The following DNAH7 variants were observed in gnomAD, a reference collection of about 807,000 sequenced individuals.
DNAH7 encodes the protein dynein axonemal heavy chain 7, also known as axonemal beta dynein heavy chain 7.
In DNAH7, 397 loss-of-function variants were observed where a neutral mutation model predicts 444.6. That is an observed-to-expected ratio of 0.89 (90% CI 0.82 to 0.97). The LOEUF (loss-of-function observed/expected upper bound fraction) is 0.97. Among genes scored for constraint, DNAH7 ranks in the 50% least tolerant of loss-of-function variants. The pLI is 0.00. For missense variants in DNAH7, 4,902 were observed against 4,800.8 expected (o/e 1.02, Z -0.62); for synonymous variants, 1,636 against 1,624.4 (o/e 1.01, Z -0.17).
chr2:196,033,595 G>A (rs1477800536), intron 5 of DNAH7, among the ~76,000 whole-genome samples: 6 of 152,016 alleles, frequency 3.9e-5, no homozygotes, highest in South Asian at 2.1e-4. Context: ...AGTGTTCTTC[G>A]ATTCCATCCA....
intron 8 of DNAH7, among the ~76,000 whole-genome samples, chr2:196,020,545 A>T (rs1695311437): frequency 6.6e-6 from 1 of 151,642 alleles, no homozygotes; most frequent in African/African-American, 2.4e-5. Flanking sequence ...TCCCTAGAGG[A>T]TATGGAAAAT....
At chr2:196,042,140 T>C (rs1696803276) in intron 5 of DNAH7, among the ~76,000 whole-genome samples, 1 of 152,064 alleles carries the variant, frequency 6.6e-6, no homozygotes, top group Non-Finnish European at 1.5e-5. Context: ...ACAGCCAATA[T>C]AGGAAACAGT....
intron 54 of DNAH7, among the ~76,000 whole-genome samples, chr2:195,804,027 T>C (rs528722645): frequency 9.4e-5 from 14 of 149,602 alleles, no homozygotes; most frequent in Non-Finnish European, 1.6e-4. Context: ...TTCTTACCAC[T>C]GAGTGGGGCT....
At chr2:196,013,392 G>T (rs183968349) in intron 9 of DNAH7, among the ~76,000 whole-genome samples, 1 of 152,028 alleles carries the variant, frequency 6.6e-6, no homozygotes, top group East Asian at 1.9e-4. Context: ...AGAACACAGG[G>T]ATTACTGGAG....
At chr2:195,993,930 GGAA>G (rs911547161) in intron 12 of DNAH7, among the ~76,000 whole-genome samples, 5 of 152,112 alleles carry the variant, frequency 3.3e-5, no homozygotes, top group Non-Finnish European at 7.3e-5. Flanking sequence ...AGCCAATCCG[GGAA>G]GAAGGAATGG....
intron 63 of DNAH7, among the ~76,000 whole-genome samples, chr2:195,741,325 C>T (rs1304178132): frequency 6.6e-6 from 1 of 152,182 alleles, no homozygotes; most frequent in African/African-American, 2.4e-5. Context: ...AGTTAAATTG[C>T]TCCTCCCCTT....
chr2:195,778,836 A>T (rs1695232622), intron 58 of DNAH7, among the ~76,000 whole-genome samples: 1 of 123,824 alleles, frequency 8.1e-6, no homozygotes, highest in Admixed American at 8.7e-5. Context: ...CATATACACA[A>T]TTGTACACTT....
In DNAH7 at chr2:195,811,309, T is replaced by C. The variant is rs528874685; in HGVS notation, c.9762-1438A>G. ...CAAAGATGCAGACACTTATATTTAC[T>C]GCAGCATTACTTACAATATAAAAGC... On this transcript the variant is annotated intron_variant, in intron 51 of 64. Coordinates refer to ENST00000312428, the MANE Select transcript of DNAH7 (RefSeq NM_018897.3). Among the ~76,000 whole-genome samples, 50 of 152,348 alleles carry C rather than the reference T, an allele frequency of 3.3e-4. 1 individual carries two copies. The highest frequency in any genetic ancestry group is 3.4e-3 in the Middle Eastern group (1 of 294).
Position 195,875,616 on chromosome 2 carries a change from C to A in DNAH7, c.6286+59G>T, listed in dbSNP as rs1184477837. The A allele has an allele frequency of 4.1e-6, 6 of 1,476,128 alleles. No individual in the cohort carries two copies. In the African/African-American group the frequency reaches 8.5e-5, roughly 21 times the overall value. The allele number at this position is 1,476,128 out of a possible 1,614,324, so 91.4% of individuals were successfully genotyped here. ...AAAGAGGATTTTTTTCCAGTTATTT[C>A]TTTAGCTATTGCTAGGGAGATTTTT... On this transcript the variant is annotated intron_variant, in intron 38 of 64. Coordinates refer to ENST00000312428, the MANE Select transcript of DNAH7 (RefSeq NM_018897.3).
intron 8 of DNAH7, among the ~76,000 whole-genome samples, chr2:196,022,368 T>C (rs1345305506): frequency 6.6e-6 from 1 of 152,226 alleles, no homozygotes; most frequent in Non-Finnish European, 1.5e-5. Context: ...GATAGCACTG[T>C]ACCCAACTAG....
chr2:195,894,296 T>G (rs992280411), intron 30 of DNAH7: 10 of 152,256 alleles, frequency 6.6e-5, no homozygotes, highest in African/African-American at 2.4e-4. Context: ...ATATTGAAAT[T>G]AGACAAAGTA....
chr2:195,780,233 ACT>A (rs1695307284), intron 58 of DNAH7, among the ~76,000 whole-genome samples: 2 of 151,810 alleles, frequency 1.3e-5, no homozygotes, highest in Non-Finnish European at 2.9e-5. Flanking sequence ...TGACATTGGC[ACT>A]CTCAAAATTT....
chr2:195,839,118 T>C (rs186810669), intron 47 of DNAH7, among the ~76,000 whole-genome samples: 2 of 151,952 alleles, frequency 1.3e-5, no homozygotes, highest in Admixed American at 1.3e-4. Context: ...ACAAGTTTTA[T>C]GCTATAAAAC....
intron 58 of DNAH7, among the ~76,000 whole-genome samples, chr2:195,780,777 T>A (rs1044586424): frequency 2.6e-5 from 4 of 151,748 alleles, no homozygotes; most frequent in East Asian, 1.9e-4. Flanking sequence ...TCTCAAAAAA[T>A]ATATATATTT....
At chr2:195,812,517 G>A (rs1171664863) in intron 51 of DNAH7, among the ~76,000 whole-genome samples, 1 of 151,986 alleles carries the variant, frequency 6.6e-6, no homozygotes, top group East Asian at 1.9e-4. Context: ...GCTACATAAA[G>A]TTATTTATTC....
rs201917976 is a variant in DNAH7, at chr2:195,883,405, G to GC, written c.5763+1179dup. Among the ~76,000 whole-genome samples the GC allele has an allele frequency of 9.1e-3, 1,384 of 151,586 alleles. 42 individuals carry two copies. Among genetic ancestry groups the GC allele is most frequent in the East Asian group, 0.086 (444 of 5,150 alleles). On this transcript the variant is annotated intron_variant, in intron 35 of 64. Coordinates refer to ENST00000312428, the MANE Select transcript of DNAH7 (RefSeq NM_018897.3). ...GGAGCTTGCAGTGAGCCGAGATCGT[G>GC]CCACTGCACTCCAACCTGGACAACA... is the stretch of plus-strand genomic sequence containing the variant.
intron 19 of DNAH7, among the ~76,000 whole-genome samples, chr2:195,950,192 T>A (rs1214793958): frequency 6.6e-6 from 1 of 152,184 alleles, no homozygotes; most frequent in Non-Finnish European, 1.5e-5. Flanking sequence ...CAGCTCCTCT[T>A]TGCACTCCTC....
intron 12 of DNAH7, among the ~76,000 whole-genome samples, chr2:195,999,771 C>A (rs1693923180): frequency 6.6e-6 from 1 of 151,816 alleles, no homozygotes; most frequent in African/African-American, 2.4e-5. Flanking sequence ...AAAGGATATC[C>A]TCAAAATGGA....
rs72396547 is a variant in DNAH7 at position 195,801,291 on chromosome 2, A to AATAT, written c.10177-1823_10177-1820dup. On this transcript the variant is annotated intron_variant, in intron 54 of 64. Transcript: ENST00000312428. Reference sequence around the variant, plus strand: ...AAAAGTACTTTTTTTCCTGCTCTGAAATATATATATATATATATGCACAAA... The same window carrying AATAT: ...AAAAGTACTTTTTTTCCTGCTCTGAAATATATATATATATATATATATGCACAAA... 6.9e-4 allele frequency among the ~76,000 whole-genome samples: 102 copies of AATAT among 148,770 alleles called. 1 individual carries two copies. The East Asian group carries it at 0.012, about 17-fold the overall frequency.
Sources: gnomAD v4.1 joint callset for allele counts (sites outside exome capture counted in the v4.1 genomes callset) on GRCh38, gnomAD v4.1.1 for gene constraint, MANE v1.5 for transcripts, NCBI Gene and HGNC (gene_info 2026-07-23, HGNC 2026-07-21) for gene names.